The following CFLAR variants were observed in gnomAD, a reference collection of about 807,000 sequenced individuals.
The protein encoded by CFLAR is CASP8 and FADD like apoptosis regulator, also known as CASP8 and FADD-like apoptosis regulator.
CFLAR carries 14 observed loss-of-function variants against 51.1 expected under a neutral mutation model. That is an observed-to-expected ratio of 0.27 (90% CI 0.18 to 0.43). CFLAR has a LOEUF of 0.43. Among genes scored for constraint, CFLAR ranks in the 20% least tolerant of loss-of-function variants. The pLI is 1.00. For missense variants in CFLAR, 390 were observed against 566.5 expected (o/e 0.69, Z 3.16); for synonymous variants, 210 against 211.6 (o/e 0.99, Z 0.06).
chr2:201,128,925 C>G (rs867362488), intron 1 of CFLAR, among the ~76,000 whole-genome samples: 50 of 152,286 alleles, frequency 3.3e-4, no homozygotes, highest in Non-Finnish European at 2.4e-4. Context: ...CCAGCCCCCT[C>G]CCAGGAGTGA....
At chr2:201,153,539 T>G (rs1941633755) in intron 8 of CFLAR, 1 of 152,214 alleles carries the variant, frequency 6.6e-6, no homozygotes, top group Admixed American at 6.5e-5. Context: ...GTTAGGGGGC[T>G]TCATCTAGAG....
intron 2 of CFLAR, among the ~76,000 whole-genome samples, chr2:201,130,364 T>C (rs1422986916): frequency 7.6e-6 from 1 of 132,156 alleles, no homozygotes; most frequent in Non-Finnish European, 1.6e-5. Context: ...TTTTTTTTTT[T>C]TTTTTTTTTT....
rs116048682 is a variant in CFLAR at position 201,148,691 on chromosome 2, T to A, written c.662-312T>A. On this transcript the variant is annotated intron_variant, in intron 6 of 9. Coordinates refer to ENST00000309955, the MANE Select transcript of CFLAR (RefSeq NM_003879.7). ...ATTGTTGGGTGGTGAGGTTATTAGA[T>A]TCTCCTATCAAGTTAAAAACTCACC... 2.1e-3 allele frequency: 627 copies of A among 300,076 alleles called. 4 individuals carry two copies. Among genetic ancestry groups the A allele is most frequent in the African/African-American group, 0.012 (572 of 47,080 alleles). 18.6% of individuals were successfully genotyped at this position (300,076 alleles called of 1,614,324 possible).
intron 9 of CFLAR, chr2:201,163,186 T>C: frequency 9.5e-7 from 1 of 1,057,220 alleles, no homozygotes; most frequent in Admixed American, 2.7e-5. Context: ...AGGTGAAAAG[T>C]GGTATCTGAC....
At position 201,141,646 on chromosome 2, in the gene CFLAR, GTTATT is replaced by G. The variant is rs556198239; in HGVS notation, c.606+1210_606+1214del. On this transcript the variant is annotated intron_variant, in intron 5 of 9. Coordinates refer to ENST00000309955, the MANE Select transcript of CFLAR (RefSeq NM_003879.7). ...GCTAATTTTAATGATTTCAGCAAAA[GTTATT>G]TTGTTATTGAGTGATGAAACAAAAG... 1.1e-4 allele frequency: 134 copies of G among 1,269,782 alleles called. 1 individual carries two copies. In the African/African-American group the frequency reaches 1.4e-3, roughly 14 times the overall value. The allele number at this position is 1,269,782 out of a possible 1,614,324, so 78.7% of individuals were successfully genotyped here.
At chr2:201,151,168 CTCTTCT>C (rs1319677676) in intron 8 of CFLAR, 1 of 152,190 alleles carries the variant, frequency 6.6e-6, no homozygotes, top group African/African-American at 2.4e-5. Flanking sequence ...TGGCCTCAGT[CTCTTCT>C]ATCTGCGCGT....
chr2:201,137,982 G>T, intron 4 of CFLAR: 1 of 747,244 alleles, frequency 1.3e-6, no homozygotes, highest in African/African-American at 1.7e-5. Flanking sequence ...GGCTATGATG[G>T]GCACACCAAA....
intron 8 of CFLAR, chr2:201,154,094 T>C: frequency 3.3e-6 from 1 of 302,444 alleles, no homozygotes; most frequent in Non-Finnish European, 6.5e-6. Flanking sequence ...CTTTTTATAT[T>C]TTTAATTTAT....
In CFLAR at chr2:201,149,855, A is replaced by T; in HGVS notation, c.793+20A>T. ...AGACAGGTAGGTGTGGAAGCTGCAG[A>T]TTAACTGGTGCCCCCAGATTGAGAT... On this transcript the variant is annotated intron_variant, in intron 8 of 9. Coordinates refer to ENST00000309955, the MANE Select transcript of CFLAR (RefSeq NM_003879.7). 1 of 1,581,490 alleles carries T rather than the reference A, an allele frequency of 6.3e-7. No individual in the cohort carries two copies. Among genetic ancestry groups the T allele is most frequent in the Non-Finnish European group, 8.7e-7 (1 of 1,150,278 alleles).
At chr2:201,122,402 ACAC>A (rs1559169826) in intron 1 of CFLAR, 1 of 152,208 alleles carries the variant, frequency 6.6e-6, no homozygotes, top group Non-Finnish European at 1.5e-5. Context: ...TATCTTAACT[ACAC>A]CACCAGCTCC....
At chr2:201,134,681 T>TA (rs1327531092) in intron 3 of CFLAR, among the ~76,000 whole-genome samples, 2 of 150,408 alleles carry the variant, frequency 1.3e-5, no homozygotes, top group Non-Finnish European at 3.0e-5. Context: ...TAAAATAAAA[T>TA]AAAAAAATAT....
At chr2:201,145,459 T>C in intron 6 of CFLAR, 27 bp downstream of exon 6, 1 of 1,455,008 alleles carries the variant, frequency 6.9e-7, no homozygotes, top group South Asian at 1.2e-5. Flanking sequence ...TTAATATTCA[T>C]TATTTATAAA....
intron 8 of CFLAR, among the ~76,000 whole-genome samples, chr2:201,159,391 C>G (rs556587641): frequency 6.6e-6 from 1 of 152,114 alleles, no homozygotes; most frequent in African/African-American, 2.4e-5. Flanking sequence ...CTCACTGCAA[C>G]CTCCACCTCC....
intron 2 of CFLAR, among the ~76,000 whole-genome samples, chr2:201,130,353 C>CTTTTTTTTTTT (rs771361555): frequency 2.2e-5 from 2 of 92,298 alleles, no homozygotes; most frequent in Non-Finnish European, 4.2e-5. Context: ...TTCTTTCTTT[C>CTTTTTTTTTTT]TTTTTTTTTT....
chr2:201,138,325 G>A lies in CFLAR; in HGVS notation c.524-2032G>A, dbSNP rs1405816580. ...CCTCATGGGTACCCACAGCTGCCCC[G>A]CCCAGCAGCTGCTCATGGGAATCCT... On this transcript the variant is annotated intron_variant, in intron 4 of 9. Coordinates refer to ENST00000309955, the MANE Select transcript of CFLAR (RefSeq NM_003879.7). This position sits in a 1 kb window ranked among gnomAD's most constrained non-coding sequence, Gnocchi z 4.0. 1.0e-5 allele frequency: 8 copies of A among 770,564 alleles called. No homozygotes were observed. Among genetic ancestry groups the A allele is most frequent in the Admixed American group, 8.6e-5 (5 of 58,448 alleles). The allele number at this position is 770,564 out of a possible 1,614,324, so 47.7% of individuals were successfully genotyped here.
Position 201,138,334 on chromosome 2 carries a change from C to T in CFLAR, c.524-2023C>T, listed in dbSNP as rs1465321148. The T allele has an allele frequency of 7.8e-6, 6 of 771,148 alleles. No individual in the cohort carries two copies. The African/African-American group carries it at 8.5e-5, about 11-fold the overall frequency. 47.8% of individuals were successfully genotyped at this position (771,148 alleles called of 1,614,324 possible). A position where few individuals can be genotyped will look rare whatever the true frequency, so the allele number is the denominator to read the frequency against. ...TACCCACAGCTGCCCCGCCCAGCAG[C>T]TGCTCATGGGAATCCTTGGAGGCCA... On this transcript the variant is annotated intron_variant, in intron 4 of 9. Coordinates refer to ENST00000309955, the MANE Select transcript of CFLAR (RefSeq NM_003879.7). This position sits in a 1 kb window ranked among gnomAD's most constrained non-coding sequence, Gnocchi z 4.0.
At chr2:201,145,903 C>T (rs7573529) in intron 6 of CFLAR, among the ~76,000 whole-genome samples, 36,933 of 152,048 alleles carry the variant, frequency 0.24, 5,171 homozygotes, top group African/African-American at 0.38. Context: ...CATTTCAACC[C>T]GCATGAGCTG....
At position 201,176,221 on chromosome 2, in the gene CFLAR, C is replaced by G. The variant is rs1253739729; in HGVS notation, c.*12248C>G. 1 of 144,044 alleles carries G rather than the reference C, an allele frequency of 6.9e-6. No homozygotes were observed. The highest frequency in any genetic ancestry group is 2.6e-5 in the African/African-American group (1 of 38,032). The allele number at this position is 144,044 out of a possible 1,614,324, so 8.9% of individuals were successfully genotyped here. A position where few individuals can be genotyped will look rare whatever the true frequency, so the allele number is the denominator to read the frequency against. On this transcript the variant is annotated 3_prime_UTR_variant, in exon 10 of 10. Transcript: ENST00000309955. ...ACTTCCGGGATCTTGTGTTACTTTT[C>G]CCCACTCCTGAGATCTTTTTGAGAA...
At chr2:201,161,329 C>G (rs1177801585) in intron 9 of CFLAR, among the ~76,000 whole-genome samples, 2 of 152,104 alleles carry the variant, frequency 1.3e-5, no homozygotes, top group Non-Finnish European at 2.9e-5. Flanking sequence ...CGTGATTGCA[C>G]TACTGCACTG....
Sources: allele counts gnomAD v4.1 joint callset (sites outside exome capture counted in the v4.1 genomes callset), GRCh38; gene constraint gnomAD v4.1.1; non-coding constraint Gnocchi (gnomAD v3.1); transcripts MANE v1.5; gene names NCBI Gene and HGNC (gene_info 2026-07-23, HGNC 2026-07-21).